CADM2: variants seen among roughly 807,000 people sequenced by gnomAD.
The protein encoded by CADM2 is immunoglobulin superfamily member 4D.
In CADM2, 12 loss-of-function variants were observed where a neutral mutation model predicts 49.8. The observed-to-expected ratio is 0.24, with a 90% CI of 0.15 to 0.39. The LOEUF (loss-of-function observed/expected upper bound fraction) is 0.39, where lower values mean the gene tolerates loss of function less well. Ranked by LOEUF, CADM2 falls within the 10% of genes least tolerant of loss-of-function variation. CADM2 has a pLI of 1.00. For missense variants in CADM2, 378 were observed against 492.3 expected (o/e 0.77, Z 2.20); for synonymous variants, 214 against 175.4 (o/e 1.22, Z -1.74).
intron 1 of CADM2, among the ~76,000 whole-genome samples, chr3:85,440,420 A>C (rs2037146646): frequency 6.6e-6 from 1 of 152,130 alleles, no homozygotes; most frequent in African/African-American, 2.4e-5. Context: ...TCTTTTATCT[A>C]AAATTTTATT....
intron 1 of CADM2, among the ~76,000 whole-genome samples, chr3:85,332,539 G>A (rs1444891929): frequency 6.6e-6 from 1 of 151,846 alleles, no homozygotes; most frequent in Non-Finnish European, 1.5e-5. Context: ...ATTCACTTAG[G>A]ATGCAATCTG....
chr3:85,055,718 A>G (rs1402066835), intron 1 of CADM2, among the ~76,000 whole-genome samples: 2 of 152,030 alleles, frequency 1.3e-5, no homozygotes, highest in Non-Finnish European at 2.9e-5. Context: ...AGTTACGGTT[A>G]ATGATATTAG....
At chr3:85,037,825 C>T (rs2035281449) in intron 1 of CADM2, among the ~76,000 whole-genome samples, 1 of 152,066 alleles carries the variant, frequency 6.6e-6, no homozygotes, top group East Asian at 1.9e-4. Context: ...ATATTATATC[C>T]TCTTTCTTTT....
chr3:85,772,554 C>A (rs561691062), intron 2 of CADM2, among the ~76,000 whole-genome samples: 1 of 151,998 alleles, frequency 6.6e-6, no homozygotes, highest in African/African-American at 2.4e-5. Context: ...CACTGGTGAT[C>A]AATAAAAAGT....
chr3:85,882,546 G>C (rs1289098524), intron 3 of CADM2, among the ~76,000 whole-genome samples: 1 of 152,010 alleles, frequency 6.6e-6, no homozygotes, highest in East Asian at 1.9e-4. Flanking sequence ...TTTAGTTGCT[G>C]CTTGCTTAAT....
intron 1 of CADM2, among the ~76,000 whole-genome samples, chr3:85,372,094 T>C (rs541616530): frequency 6.6e-6 from 1 of 152,168 alleles, no homozygotes; most frequent in East Asian, 1.9e-4. Context: ...GACAAACTGC[T>C]CAAGTGTCCT....
chr3:85,642,960 T>C (rs2064766465), intron 1 of CADM2, among the ~76,000 whole-genome samples: 1 of 152,210 alleles, frequency 6.6e-6, no homozygotes, highest in African/African-American at 2.4e-5. Flanking sequence ...TCTTGTTGAA[T>C]TTAAATGACT....
chr3:85,970,116 G>A (rs951656473), intron 8 of CADM2, among the ~76,000 whole-genome samples: 1 of 149,108 alleles, frequency 6.7e-6, no homozygotes, highest in Non-Finnish European at 1.5e-5. Context: ...AAAAAAAGAC[G>A]TGTTTACTTA....
At chr3:85,531,377 G>T (rs2106957944) in intron 1 of CADM2, among the ~76,000 whole-genome samples, 1 of 152,216 alleles carries the variant, frequency 6.6e-6, no homozygotes, top group South Asian at 2.1e-4. Flanking sequence ...TTATTTTTTT[G>T]ACAGTATGAA....
At chr3:85,303,502 C>A (rs777674035) in intron 1 of CADM2, among the ~76,000 whole-genome samples, 1 of 151,704 alleles carries the variant, frequency 6.6e-6, no homozygotes, top group Non-Finnish European at 1.5e-5. Flanking sequence ...ACAGATGTGC[C>A]CAAAGGACAT....
chr3:85,592,988 A>G (rs2063148146), intron 1 of CADM2, among the ~76,000 whole-genome samples: 1 of 151,816 alleles, frequency 6.6e-6, no homozygotes, highest in Non-Finnish European at 1.5e-5. Context: ...TGCTGATTTT[A>G]AAGGGACTCC....
chr3:85,085,075 G>A (rs932061228), intron 1 of CADM2, among the ~76,000 whole-genome samples: 1 of 151,924 alleles, frequency 6.6e-6, no homozygotes, highest in Non-Finnish European at 1.5e-5. Flanking sequence ...TTTATGGTGA[G>A]AATATTTAAA....
In CADM2 at chr3:85,241,435, A is replaced by C. The variant is rs1308202737; in HGVS notation, c.61+281767A>C. ...AAACTTGAAATTGAGTAGTCAGGAT[A>C]ATTTAGATTTCTAAATAACTTTTCA... On this transcript the variant is annotated intron_variant, in intron 1 of 9. Transcript: ENST00000383699. Among the ~76,000 whole-genome samples, 3 of 151,650 alleles carry C rather than the reference A, an allele frequency of 2.0e-5. No homozygotes were observed. The East Asian group carries it at 5.8e-4, about 29-fold the overall frequency.
At chr3:85,930,386 G>T (rs1577692438) in intron 6 of CADM2, among the ~76,000 whole-genome samples, 1 of 151,976 alleles carries the variant, frequency 6.6e-6, no homozygotes, top group Admixed American at 6.6e-5. Flanking sequence ...CATGCAAAAC[G>T]AAATAAGCAC....
chr3:85,381,760 C>G (rs1375671729), intron 1 of CADM2, among the ~76,000 whole-genome samples: 1 of 152,026 alleles, frequency 6.6e-6, no homozygotes, highest in Admixed American at 6.6e-5. Flanking sequence ...CTGAGCAGGG[C>G]TGCAGGATGT....
At chr3:85,120,524 G>T (rs1050574776) in intron 1 of CADM2, among the ~76,000 whole-genome samples, 1 of 152,052 alleles carries the variant, frequency 6.6e-6, no homozygotes, top group African/African-American at 2.4e-5. Context: ...CATGTTTTTT[G>T]CAGGGACATG....
chr3:84,987,250 T>C (rs1344261596), intron 1 of CADM2, among the ~76,000 whole-genome samples: 3 of 151,860 alleles, frequency 2.0e-5, no homozygotes, highest in Non-Finnish European at 4.4e-5. Flanking sequence ...AGATGCCCTC[T>C]TTTAGGTGGT....
intron 1 of CADM2, among the ~76,000 whole-genome samples, chr3:85,526,613 A>G (rs933781736): frequency 1.7e-4 from 26 of 152,194 alleles, no homozygotes; most frequent in African/African-American, 6.3e-4. Flanking sequence ...CATTTTCTTC[A>G]CATAAAAAAA....
At chr3:85,139,586 T>C (rs903584988) in intron 1 of CADM2, among the ~76,000 whole-genome samples, 3 of 152,158 alleles carry the variant, frequency 2.0e-5, no homozygotes, top group African/African-American at 7.2e-5. Context: ...TATAGAATTA[T>C]ATATACTTAT....
Sources: gnomAD v4.1 joint callset for allele counts (sites outside exome capture counted in the v4.1 genomes callset) on GRCh38, gnomAD v4.1.1 for gene constraint, MANE v1.5 for transcripts, NCBI Gene and HGNC (gene_info 2026-07-23, HGNC 2026-07-21) for gene names.